The following IL1RAPL1 variants were observed in gnomAD, a reference collection of about 807,000 sequenced individuals.
IL1RAPL1 encodes interleukin-1 receptor accessory protein-like 1.
IL1RAPL1 carries 3 observed loss-of-function variants against 48.4 expected under a neutral mutation model. The observed-to-expected ratio is 0.06, with a 90% CI of 0.03 to 0.16. IL1RAPL1 has a LOEUF of 0.16. Among genes scored for constraint, IL1RAPL1 ranks in the 10% least tolerant of loss-of-function variants. IL1RAPL1 has a pLI of 1.00. For missense variants in IL1RAPL1, 349 were observed against 530.6 expected (o/e 0.66, Z 3.36); for synonymous variants, 185 against 187.7 (o/e 0.99, Z 0.12).
At chrX:29,386,079 G>T (rs1213683952) in intron 3 of IL1RAPL1, among the ~76,000 whole-genome samples, 1 of 111,639 alleles carries the variant, frequency 9.0e-6, no homozygotes, top group African/African-American at 3.3e-5. Context: ...TCTCAGGCTG[G>T]AGTACAGTAG....
chrX:28,728,484 T>A (rs947199865), intron 1 of IL1RAPL1, among the ~76,000 whole-genome samples: 1 of 111,497 alleles, frequency 9.0e-6, no homozygotes, highest in Non-Finnish European at 1.9e-5. Context: ...AAATACAAAC[T>A]GTTTACAATG....
At chrX:29,334,689 C>A (rs1340278340) in intron 3 of IL1RAPL1, among the ~76,000 whole-genome samples, 3 of 112,262 alleles carry the variant, frequency 2.7e-5, no homozygotes, top group African/African-American at 9.7e-5. Context: ...GGCGGCGGGG[C>A]AGAGGTGCTC....
chrX:29,650,131 A>G (rs1457069132), intron 5 of IL1RAPL1, among the ~76,000 whole-genome samples: 1 of 111,992 alleles, frequency 8.9e-6, no homozygotes, highest in Non-Finnish European at 1.9e-5. Flanking sequence ...ACTGAAGAAG[A>G]CACAGATAAA....
chrX:29,242,336 G>A (rs976873471), intron 2 of IL1RAPL1, among the ~76,000 whole-genome samples: 7 of 112,040 alleles, frequency 6.2e-5, no homozygotes, highest in African/African-American at 1.9e-4. Context: ...CAGGAGGGGC[G>A]CCCATGCCCC....
chrX:28,755,080 G>C (rs1193622073), intron 1 of IL1RAPL1, among the ~76,000 whole-genome samples: 2 of 111,230 alleles, frequency 1.8e-5, no homozygotes, highest in East Asian at 5.7e-4. Flanking sequence ...CGCAACCTCT[G>C]CCTCCCGGGT....
chrX:29,685,229 G>A (rs943532492), intron 6 of IL1RAPL1, among the ~76,000 whole-genome samples: 3 of 112,325 alleles, frequency 2.7e-5, no homozygotes, highest in African/African-American at 9.7e-5. Flanking sequence ...CTTGCCAGGA[G>A]TGGTGGCTCA....
chrX:28,891,083 A>G (rs1328041147), intron 2 of IL1RAPL1, among the ~76,000 whole-genome samples: 6 of 112,096 alleles, frequency 5.4e-5, no homozygotes, highest in Non-Finnish European at 1.1e-4. Context: ...TATAGAATAC[A>G]AAGTTTGCAA....
At chrX:29,829,669 A>AT (rs1390789636) in intron 6 of IL1RAPL1, among the ~76,000 whole-genome samples, 1 of 111,187 alleles carries the variant, frequency 9.0e-6, no homozygotes, top group Non-Finnish European at 1.9e-5. Context: ...AATTAGTGGT[A>AT]TTTTTTCTAT....
intron 1 of IL1RAPL1, among the ~76,000 whole-genome samples, chrX:28,726,035 T>C (rs1386190702): frequency 8.9e-6 from 1 of 112,437 alleles, no homozygotes; most frequent in Non-Finnish European, 1.9e-5. Flanking sequence ...TATTTAATGC[T>C]ACAGCTATCA....
intron 2 of IL1RAPL1, among the ~76,000 whole-genome samples, chrX:29,104,828 A>T (rs927227549): frequency 8.9e-6 from 1 of 111,912 alleles, no homozygotes; most frequent in African/African-American, 3.2e-5. Context: ...CTAAGCATTA[A>T]GGTTTCTTTC....
At chrX:29,480,693 A>G (rs1334676202) in intron 5 of IL1RAPL1, among the ~76,000 whole-genome samples, 2 of 110,852 alleles carry the variant, frequency 1.8e-5, no homozygotes, top group Non-Finnish European at 3.8e-5. Flanking sequence ...ATCAGTTGCA[A>G]TCTCATCATC....
At chrX:29,072,595 G>A (rs983601472) in intron 2 of IL1RAPL1, among the ~76,000 whole-genome samples, 10 of 111,781 alleles carry the variant, frequency 8.9e-5, no homozygotes, top group Non-Finnish European at 1.5e-4. Flanking sequence ...AGAGGAAATG[G>A]ATCCCCTCAC....
At chrX:29,932,769 CTTATTATTATTAT>C (rs1032915673) in intron 8 of IL1RAPL1, among the ~76,000 whole-genome samples, 3 of 110,794 alleles carry the variant, frequency 2.7e-5, no homozygotes, top group African/African-American at 1.0e-4. Context: ...AATATCAGCT[CTTATTATTATTAT>C]TTATTATTAT....
At chrX:29,712,372 GC>G (rs1423119018) in intron 6 of IL1RAPL1, among the ~76,000 whole-genome samples, 1 of 111,502 alleles carries the variant, frequency 9.0e-6, no homozygotes, top group African/African-American at 3.2e-5. Context: ...TAGGAATGAT[GC>G]TATACAAGCT....
intron 2 of IL1RAPL1, among the ~76,000 whole-genome samples, chrX:28,974,715 G>A (rs932377769): frequency 1.8e-5 from 2 of 111,692 alleles, no homozygotes; most frequent in South Asian, 3.7e-4. Context: ...CTTGATCTAC[G>A]CCATTTGGCT....
chrX:28,703,571 T>C (rs1282088857), intron 1 of IL1RAPL1, among the ~76,000 whole-genome samples: 2 of 111,291 alleles, frequency 1.8e-5, no homozygotes, highest in Non-Finnish European at 3.8e-5. Context: ...CCCTAAAGAA[T>C]ATCTGATTTT....
intron 5 of IL1RAPL1, among the ~76,000 whole-genome samples, chrX:29,418,121 A>T (rs1438718451): frequency 0.37 from 14,698 of 39,947 alleles, 3,523 homozygotes; most frequent in Non-Finnish European, 0.4. Context: ...ATATATATAT[A>T]TATATTTTTT....
chrX:29,780,999 A>T (rs1451796118), intron 6 of IL1RAPL1, among the ~76,000 whole-genome samples: 1 of 109,907 alleles, frequency 9.1e-6, no homozygotes, highest in Non-Finnish European at 1.9e-5. Flanking sequence ...ACCATGAATT[A>T]AAAAAACCCA....
intron 2 of IL1RAPL1, among the ~76,000 whole-genome samples, chrX:29,033,039 A>G (rs1926655832): frequency 8.9e-6 from 1 of 112,197 alleles, no homozygotes; most frequent in Non-Finnish European, 1.9e-5. Flanking sequence ...TATGTGGGAC[A>G]TATAAAAATA....
Sources: gnomAD v4.1 joint callset for allele counts (sites outside exome capture counted in the v4.1 genomes callset) on GRCh38, gnomAD v4.1.1 for gene constraint, MANE v1.5 for transcripts, NCBI Gene and HGNC (gene_info 2026-07-23, HGNC 2026-07-21) for gene names.